Variants in CCSER1 observed in about 807,000 individuals in gnomAD.
CCSER1 encodes serine-rich coiled-coil domain-containing protein 1.
Under a neutral mutation model 82.0 loss-of-function variants are expected in CCSER1, and 41 were observed. The observed-to-expected ratio is 0.50, with a 90% CI of 0.39 to 0.65. The LOEUF (loss-of-function observed/expected upper bound fraction) is 0.65. CCSER1 is among the 30% of genes least tolerant of loss of function. The probability of loss-of-function intolerance (pLI) is 0.00; values close to 1 mark genes in which losing one functional copy is unlikely to be tolerated. For missense variants in CCSER1, 1,119 were observed against 1,064.2 expected (o/e 1.05, Z -0.72); for synonymous variants, 414 against 383.9 (o/e 1.08, Z -0.92).
At chr4:90,422,992 T>C (rs1206839183) in intron 4 of CCSER1, among the ~76,000 whole-genome samples, 1 of 152,204 alleles carries the variant, frequency 6.6e-6, no homozygotes, top group Non-Finnish European at 1.5e-5. Context: ...TCTTTTGTTT[T>C]CTCCTTGTGA....
intron 5 of CCSER1, among the ~76,000 whole-genome samples, chr4:90,473,424 A>C (rs1764655736): frequency 6.6e-6 from 1 of 152,002 alleles, no homozygotes; most frequent in South Asian, 2.1e-4. Flanking sequence ...TTTATTGTTT[A>C]CTCTTGCATA....
intron 8 of CCSER1, among the ~76,000 whole-genome samples, chr4:90,893,002 T>C (rs183803412): frequency 3.2e-4 from 49 of 152,228 alleles, no homozygotes; most frequent in Non-Finnish European, 1.5e-5. Flanking sequence ...TGTATATCTT[T>C]TGGACTAAAC....
chr4:91,152,528 A>G (rs939362059), intron 10 of CCSER1, among the ~76,000 whole-genome samples: 1 of 152,192 alleles, frequency 6.6e-6, no homozygotes, highest in African/African-American at 2.4e-5. Flanking sequence ...ATTTAAGGTT[A>G]ATATTGTTAT....
intron 4 of CCSER1, among the ~76,000 whole-genome samples, chr4:90,423,286 C>T (rs1488256310): frequency 1.3e-5 from 2 of 151,982 alleles, no homozygotes; most frequent in Non-Finnish European, 2.9e-5. Context: ...AGTGCAGTGG[C>T]GTCATCTCGG....
At chr4:91,322,142 C>A (rs1347542936) in intron 10 of CCSER1, among the ~76,000 whole-genome samples, 5 of 152,004 alleles carry the variant, frequency 3.3e-5, no homozygotes, top group Non-Finnish European at 7.4e-5. Context: ...TTGTCTTTAG[C>A]AGGGTTAAAA....
intron 4 of CCSER1, among the ~76,000 whole-genome samples, chr4:90,438,982 A>G (rs920623892): frequency 3.3e-5 from 5 of 152,148 alleles, no homozygotes; most frequent in Admixed American, 3.3e-4. Flanking sequence ...GCATGCTATT[A>G]TGCTATTATT....
chr4:91,518,892 A>G (rs1760294161), intron 10 of CCSER1, among the ~76,000 whole-genome samples: 1 of 152,112 alleles, frequency 6.6e-6, no homozygotes, highest in South Asian at 2.1e-4. Flanking sequence ...ATTGGTGAAG[A>G]GTGGGGGTTA....
At chr4:90,436,915 T>C (rs1381068212) in intron 4 of CCSER1, among the ~76,000 whole-genome samples, 2 of 151,780 alleles carry the variant, frequency 1.3e-5, no homozygotes, top group African/African-American at 2.4e-5. Context: ...CACGCCATTC[T>C]CCTGCCTCAG....
intron 5 of CCSER1, among the ~76,000 whole-genome samples, chr4:90,551,153 A>G (rs570434706): frequency 1.3e-5 from 2 of 152,162 alleles, no homozygotes; most frequent in Non-Finnish European, 2.9e-5. Context: ...AGCTTAGTTT[A>G]TAAGATCTTG....
intron 6 of CCSER1, among the ~76,000 whole-genome samples, chr4:90,701,728 T>G (rs569771264): frequency 2.0e-5 from 3 of 152,314 alleles, no homozygotes; most frequent in South Asian, 2.1e-4. Flanking sequence ...TTATTCTCTT[T>G]GAAGCAATTG....
chr4:90,668,943 A>G lies in CCSER1; in HGVS notation c.1932+40711A>G, dbSNP rs1228264938. ...CAGTAAGGGGATGAATCATGTACAC[A>G]TATAATTATTGCACAAGGTATAATA... On this transcript the variant is annotated intron_variant, in intron 6 of 10. Transcript: ENST00000509176. Among the ~76,000 whole-genome samples the G allele has an allele frequency of 6.6e-5, 10 of 152,140 alleles. No individual in the cohort carries two copies. In the East Asian group the frequency reaches 1.9e-3, roughly 29 times the overall value.
chr4:90,259,937 T>C (rs1276421227), intron 1 of CCSER1, among the ~76,000 whole-genome samples: 1 of 152,146 alleles, frequency 6.6e-6, no homozygotes, highest in Admixed American at 6.5e-5. Flanking sequence ...TCTTTTTTGT[T>C]ATGTCCTTTC....
At chr4:91,291,278 T>C (rs1249934983) in intron 10 of CCSER1, among the ~76,000 whole-genome samples, 2 of 151,914 alleles carry the variant, frequency 1.3e-5, no homozygotes, top group Non-Finnish European at 2.9e-5. Context: ...GATTTAGCAG[T>C]TAGGGCCCAT....
At chr4:90,828,686 T>A (rs1021620239) in intron 8 of CCSER1, among the ~76,000 whole-genome samples, 2 of 152,190 alleles carry the variant, frequency 1.3e-5, no homozygotes, top group Non-Finnish European at 2.9e-5. Flanking sequence ...TACTGTCAAA[T>A]GTGGCTTTAT....
chr4:90,333,672 G>A (rs1332719036), intron 3 of CCSER1, among the ~76,000 whole-genome samples: 1 of 152,104 alleles, frequency 6.6e-6, no homozygotes, highest in Non-Finnish European at 1.5e-5. Context: ...ATTTTCAAAA[G>A]TTTAAAAATG....
intron 10 of CCSER1, among the ~76,000 whole-genome samples, chr4:91,519,132 G>A (rs557789522): frequency 6.6e-6 from 1 of 152,302 alleles, no homozygotes; most frequent in South Asian, 2.1e-4. Context: ...TAGATGTGCT[G>A]GAGACCTAGG....
chr4:90,187,522 T>G (rs1700073105), intron 1 of CCSER1, among the ~76,000 whole-genome samples: 2 of 151,838 alleles, frequency 1.3e-5, no homozygotes, highest in African/African-American at 4.8e-5. Flanking sequence ...ATTCTCTAAT[T>G]GGCTGCTGTG....
chr4:90,869,840 G>A (rs1274195175), intron 8 of CCSER1, among the ~76,000 whole-genome samples: 1 of 151,684 alleles, frequency 6.6e-6, no homozygotes, highest in Non-Finnish European at 1.5e-5. Flanking sequence ...CCATGGACAT[G>A]GAATATCTTT....
chr4:90,403,251 G>A (rs1383328722), intron 4 of CCSER1, among the ~76,000 whole-genome samples: 1 of 152,130 alleles, frequency 6.6e-6, no homozygotes, highest in African/African-American at 2.4e-5. Flanking sequence ...TGTAATCCCA[G>A]CACTTTGGGA....
Sources: allele counts gnomAD v4.1 joint callset (sites outside exome capture counted in the v4.1 genomes callset), GRCh38; gene constraint gnomAD v4.1.1; transcripts MANE v1.5; gene names NCBI Gene and HGNC (gene_info 2026-07-23, HGNC 2026-07-21).